SIPA1L2: variants seen among roughly 807,000 people sequenced by gnomAD.
The protein encoded by SIPA1L2 is signal induced proliferation associated 1 like 2, also known as signal-induced proliferation-associated 1-like protein 2.
SIPA1L2 carries 56 observed loss-of-function variants against 163.9 expected under a neutral mutation model. The ratio of observed to expected loss-of-function variants is 0.34; its 90% CI spans 0.28 to 0.43. The LOEUF (loss-of-function observed/expected upper bound fraction) is 0.43, where lower values mean the gene tolerates loss of function less well. SIPA1L2 is among the 20% of genes least tolerant of loss of function. SIPA1L2 has a pLI of 1.00. For synonymous variants in SIPA1L2, 877 were observed against 865.7 expected, an observed-to-expected ratio of 1.01 and a Z score of -0.23; for missense variants, 1,974 against 2,193.5, an observed-to-expected ratio of 0.90 and a Z score of 2.00.
At chr1:232,619,978 G>A (rs1001146214) in intron 1 of SIPA1L2, among the ~76,000 whole-genome samples, 1 of 152,106 alleles carries the variant, frequency 6.6e-6, no homozygotes, top group Non-Finnish European at 1.5e-5. Context: ...TCCGCCTCCC[G>A]AGTTCAAGCG....
At chr1:232,628,751 C>T (rs1663212318) in intron 1 of SIPA1L2, among the ~76,000 whole-genome samples, 1 of 152,098 alleles carries the variant, frequency 6.6e-6, no homozygotes, top group Non-Finnish European at 1.5e-5. Flanking sequence ...ACAAACGCGA[C>T]TCAAATGGGC....
chr1:232,514,002 G>A lies in SIPA1L2; in HGVS notation c.1338C>T (p.Leu446=). Residue 446 remains leucine (L), a synonymous_variant, in exon 3 of 23, where the codon CTC becomes CTT. Transcript: ENST00000674635. ...SGESCSFESS[L]SSHCTNAGVS... ...CACCTGCATTTGTGCAGTGAGAGCT[G>A]AGTGACGATTCGAAAGAGCAGCTTT... The A allele has an allele frequency of 6.2e-7, 1 of 1,614,210 alleles. No individual in the cohort carries two copies. The highest frequency in any genetic ancestry group is 8.5e-7 in the Non-Finnish European group (1 of 1,180,032).
At chr1:232,402,586 T>A in intron 21 of SIPA1L2, 113 bp from the exon 22 acceptor site, 1 of 767,344 alleles carries the variant, frequency 1.3e-6, no homozygotes, top group Non-Finnish European at 2.0e-6. Context: ...AGCAAGCAGA[T>A]ATATTATATT....
chr1:232,606,215 T>C (rs1661912735), intron 1 of SIPA1L2, among the ~76,000 whole-genome samples: 2 of 152,236 alleles, frequency 1.3e-5, no homozygotes, highest in African/African-American at 2.4e-5. Flanking sequence ...AAGAGACAAT[T>C]AGCCTTTGAC....
At chr1:232,459,151 T>C (rs1664091194) in intron 10 of SIPA1L2, among the ~76,000 whole-genome samples, 1 of 152,246 alleles carries the variant, frequency 6.6e-6, no homozygotes, top group African/African-American at 2.4e-5. Flanking sequence ...AGTGGCTTTT[T>C]TTCCTAAAAG....
chr1:232,479,723 G>C lies in SIPA1L2; in HGVS notation c.1989C>G (p.Ser663=). 1 of 1,612,932 alleles carries C rather than the reference G, an allele frequency of 6.2e-7. No individual in the cohort carries two copies. Among genetic ancestry groups the C allele is most frequent in the Non-Finnish European group, 8.5e-7 (1 of 1,179,222 alleles). ...YRAQLDNKTD[S]TGTHSLYTTY... is the part of the protein sequence containing the mutation. ...TGGTATAGAGAGAGTGCGTGCCCGT[G>C]GAATCAGCTGAAAACAAAGATGAAT... Residue 663 remains serine, a synonymous_variant, in exon 7 of 23, where the codon TCC becomes TCG. Coordinates refer to ENST00000674635, the MANE Select transcript of SIPA1L2 (RefSeq NM_020808.5).
At chr1:232,491,181 T>C in intron 4 of SIPA1L2, 119 bp from the exon 5 acceptor site, 3 of 838,068 alleles carry the variant, frequency 3.6e-6, no homozygotes, top group Non-Finnish European at 1.8e-6. Flanking sequence ...CTGAGTGTAG[T>C]GAAAGGGGCG....
At chr1:232,519,247 C>A in intron 2 of SIPA1L2, among the ~76,000 whole-genome samples, 1 of 152,188 alleles carries the variant, frequency 6.6e-6, no homozygotes, top group Non-Finnish European at 1.5e-5. Flanking sequence ...CTAAGCATCT[C>A]GGCAGCTTCC....
intron 11 of SIPA1L2, 31 bp from the exon 12 acceptor site, chr1:232,443,716 C>G: frequency 6.4e-7 from 1 of 1,573,836 alleles, no homozygotes; most frequent in Non-Finnish European, 8.7e-7. Flanking sequence ...ATTAACAGGG[C>G]ACTGAACTAT....
intron 2 of SIPA1L2, among the ~76,000 whole-genome samples, chr1:232,548,799 G>T (rs1658204604): frequency 6.6e-6 from 1 of 152,162 alleles, no homozygotes; most frequent in African/African-American, 2.4e-5. Context: ...ACACATCACA[G>T]AAGGATGGCA....
Position 232,427,729 on chromosome 1 carries a change from T to C in SIPA1L2, c.4410+682A>G, listed in dbSNP as rs144614853. Among the ~76,000 whole-genome samples the C allele has an allele frequency of 2.0e-3, 299 of 152,362 alleles. 1 individual carries two copies. The highest frequency in any genetic ancestry group is 5.8e-3 in the African/African-American group (241 of 41,594). On this transcript the variant is annotated intron_variant, in intron 17 of 22. Coordinates refer to ENST00000674635, the MANE Select transcript of SIPA1L2 (RefSeq NM_020808.5). ...CAAGCTAACATTATCGAGTACTACATTGTGAATGACAAAGGTATGCCACTG... is the reference window on the plus strand; with the variant it reads ...CAAGCTAACATTATCGAGTACTACACTGTGAATGACAAAGGTATGCCACTG...
At chr1:232,582,249 G>A (rs142920421) in intron 1 of SIPA1L2, among the ~76,000 whole-genome samples, 95 of 151,920 alleles carry the variant, frequency 6.3e-4, no homozygotes, top group Non-Finnish European at 4.9e-4. Flanking sequence ...ATTGCACCCC[G>A]GCAGTGAGCA....
At chr1:232,403,312 C>T (rs570567308) in intron 21 of SIPA1L2, 136 bp downstream of exon 21, 2 of 1,167,804 alleles carry the variant, frequency 1.7e-6, no homozygotes, top group African/African-American at 3.1e-5. Flanking sequence ...TCAGTCCCTT[C>T]TCTGGATTCT....
In SIPA1L2 at chr1:232,619,029, A is replaced by G. The variant is rs537077984; in HGVS notation, c.-319+10840T>C. ...CTCCTTAATGTTGCTTTTGTTAATA[A>G]AATGCATCTCTGGAGTTGCAAAACC... On this transcript the variant is annotated intron_variant, in intron 1 of 22. Coordinates refer to ENST00000674635, the MANE Select transcript of SIPA1L2 (RefSeq NM_020808.5). Among the ~76,000 whole-genome samples the G allele has an allele frequency of 5.3e-5, 8 of 152,306 alleles. 1 individual carries two copies. In the South Asian group the frequency reaches 1.7e-3, roughly 32 times the overall value.
At chr1:232,483,428 T>A (rs960167253) in intron 6 of SIPA1L2, among the ~76,000 whole-genome samples, 1 of 152,190 alleles carries the variant, frequency 6.6e-6, no homozygotes, top group Non-Finnish European at 1.5e-5. Context: ...GTTAATATTT[T>A]GTCTCTTAGA....
At chr1:232,590,589 C>T (rs1660907788) in intron 1 of SIPA1L2, among the ~76,000 whole-genome samples, 2 of 152,184 alleles carry the variant, frequency 1.3e-5, no homozygotes, top group African/African-American at 4.8e-5. Context: ...TCGGGCCCTA[C>T]CTACTTCCTG....
intron 1 of SIPA1L2, among the ~76,000 whole-genome samples, chr1:232,595,131 G>A (rs1661185905): frequency 6.6e-6 from 1 of 152,136 alleles, no homozygotes; most frequent in South Asian, 2.1e-4. Flanking sequence ...CTTTTCAACT[G>A]CCCCTTCCCT....
intron 1 of SIPA1L2, among the ~76,000 whole-genome samples, chr1:232,588,731 C>T (rs79694177): frequency 2.0e-5 from 3 of 152,272 alleles, no homozygotes; most frequent in Non-Finnish European, 4.4e-5. Flanking sequence ...CTACATATCA[C>T]AACAGATTGA....
At chr1:232,530,620 G>A (rs1203299724) in intron 2 of SIPA1L2, among the ~76,000 whole-genome samples, 11 of 151,952 alleles carry the variant, frequency 7.2e-5, no homozygotes, top group East Asian at 3.9e-4. Flanking sequence ...TTTGCCCAGC[G>A]GTTCCCAAAT....
Sources: gnomAD v4.1 joint callset for allele counts (sites outside exome capture counted in the v4.1 genomes callset) on GRCh38, gnomAD v4.1.1 for gene constraint, MANE v1.5 for transcripts, NCBI Gene and HGNC (gene_info 2026-07-23, HGNC 2026-07-21) for gene names.